The following WRN variants were observed in gnomAD, a reference collection of about 807,000 sequenced individuals.
WRN encodes the protein WRN RecQ like helicase.
WRN carries 149 observed loss-of-function variants against 180.7 expected under a neutral mutation model. The ratio of observed to expected loss-of-function variants is 0.82; its 90% CI spans 0.72 to 0.94. WRN has a LOEUF of 0.94. Ranked by LOEUF, WRN falls within the 40% of genes least tolerant of loss-of-function variation. WRN has a pLI of 0.00. For missense variants in WRN, 1,661 were observed against 1,700.1 expected, an observed-to-expected ratio of 0.98 and a Z score of 0.40; for synonymous variants, 548 against 568.9, an observed-to-expected ratio of 0.96 and a Z score of 0.52.
rs890378000 is a variant in WRN, at chr8:31,124,674, T to C, written c.2732+51T>C. ...TAGTATGGATTTATGGATGATGCTC[T>C]TTTAAGACAACAATTTGGCTAAATA... On this transcript the variant is annotated intron_variant, in intron 22 of 34. Transcript: ENST00000298139. 8.0e-6 allele frequency: 12 copies of C among 1,496,272 alleles called. 1 individual carries two copies. Among genetic ancestry groups the C allele is most frequent in the African/African-American group, 2.8e-5 (2 of 72,420 alleles). 92.7% of individuals were successfully genotyped at this position (1,496,272 alleles called of 1,614,324 possible).
chr8:31,085,544 A>G (rs1471235394), intron 11 of WRN, among the ~76,000 whole-genome samples: 1 of 150,956 alleles, frequency 6.6e-6, no homozygotes, highest in Non-Finnish European at 1.5e-5. Context: ...ATCTTGGCTC[A>G]CTGCAACCTT....
intron 1 of WRN, among the ~76,000 whole-genome samples, chr8:31,047,770 G>A (rs1811926403): frequency 2.6e-5 from 4 of 152,068 alleles, no homozygotes; most frequent in African/African-American, 9.7e-5. Flanking sequence ...GCAATTTCCC[G>A]GTTTATAATG....
intron 34 of WRN, among the ~76,000 whole-genome samples, chr8:31,169,635 C>G (rs768796728): frequency 7.9e-5 from 12 of 152,178 alleles, no homozygotes; most frequent in Non-Finnish European, 1.5e-4. Context: ...CCTGTACTTT[C>G]AAAAGAAGGC....
chr8:31,080,815 TTGTAGTTAA>T (rs1275153810), intron 8 of WRN, 43 bp from the exon 9 acceptor site: 18 of 1,438,352 alleles, frequency 1.3e-5, no homozygotes, highest in Non-Finnish European at 1.7e-5. Context: ...CAGTTTGTCC[TTGTAGTTAA>T]TGCAATTGAA....
intron 17 of WRN, among the ~76,000 whole-genome samples, chr8:31,099,463 A>G (rs1814126631): frequency 6.6e-6 from 1 of 152,010 alleles, no homozygotes; most frequent in African/African-American, 2.4e-5. Flanking sequence ...CAAAACAGTG[A>G]TAATATTGAA....
Position 31,156,017 on chromosome 8 carries a change from C to A in WRN, c.3819+1262C>A, listed in dbSNP as rs11574381. Among the ~76,000 whole-genome samples the A allele has an allele frequency of 1.8e-3, 273 of 152,214 alleles. 7 individuals are homozygous for A. The highest frequency in any genetic ancestry group is 0.017 in the Admixed American group (260 of 15,294). On this transcript the variant is annotated intron_variant, in intron 32 of 34. Coordinates refer to ENST00000298139, the MANE Select transcript of WRN (RefSeq NM_000553.6). The stretch of plus-strand genomic sequence containing the variant: ...CCATTGCCCAAGAAACCAAATAATT[C>A]CATTATACTATTTTTGAAATAGAAC...
At chr8:31,162,602 A>G (rs570454706) in intron 33 of WRN, among the ~76,000 whole-genome samples, 44 of 152,354 alleles carry the variant, frequency 2.9e-4, no homozygotes, top group African/African-American at 9.4e-4. Context: ...ACTGTACATA[A>G]TTGTACATGC....
chr8:31,167,838 T>C (rs574566341), intron 34 of WRN, among the ~76,000 whole-genome samples: 2 of 152,280 alleles, frequency 1.3e-5, no homozygotes, highest in East Asian at 3.9e-4. Context: ...TTTAATAATA[T>C]GACTCTATTA....
intron 16 of WRN, among the ~76,000 whole-genome samples, chr8:31,095,548 T>C (rs1813929324): frequency 6.6e-6 from 1 of 152,262 alleles, no homozygotes; most frequent in Admixed American, 6.5e-5. Context: ...AGATTTACGA[T>C]TCATTTTTAG....
chr8:31,059,117 A>G, intron 2 of WRN, 36 bp from the exon 3 acceptor site: 1 of 1,455,768 alleles, frequency 6.9e-7, no homozygotes, highest in Non-Finnish European at 9.7e-7. Flanking sequence ...ATTTGATGTG[A>G]ACTTTGTGCC....
intron 28 of WRN, among the ~76,000 whole-genome samples, chr8:31,145,062 A>G (rs558358980): frequency 6.6e-6 from 1 of 152,386 alleles, no homozygotes; most frequent in African/African-American, 2.4e-5. Context: ...AGCCATCTCC[A>G]TAACATAAAA....
chr8:31,107,359 A>G (rs1298576654), intron 18 of WRN, among the ~76,000 whole-genome samples: 1 of 152,198 alleles, frequency 6.6e-6, no homozygotes, highest in African/African-American at 2.4e-5. Flanking sequence ...AAGGAGTTTT[A>G]AATATTTTAT....
intron 33 of WRN, among the ~76,000 whole-genome samples, chr8:31,159,599 C>T (rs1041017231): frequency 6.6e-6 from 1 of 151,700 alleles, no homozygotes; most frequent in Non-Finnish European, 1.5e-5. Flanking sequence ...ACCAAAGCCA[C>T]CCATAAGCAC....
chr8:31,135,743 C>CA (rs1351564197), intron 24 of WRN, among the ~76,000 whole-genome samples: 1 of 152,098 alleles, frequency 6.6e-6, no homozygotes, highest in African/African-American at 2.4e-5. Context: ...ATTCACAGTA[C>CA]AAAAAGCAAC....
intron 1 of WRN, among the ~76,000 whole-genome samples, chr8:31,035,138 C>T (rs1431767076): frequency 1.3e-5 from 2 of 152,016 alleles, no homozygotes; most frequent in South Asian, 4.1e-4. Context: ...ACTAGAGATA[C>T]CAACAATGAA....
intron 34 of WRN, among the ~76,000 whole-genome samples, chr8:31,172,693 C>CA (rs1804148181): frequency 6.6e-6 from 1 of 152,182 alleles, no homozygotes; most frequent in Non-Finnish European, 1.5e-5. Flanking sequence ...AAAGCAAGTA[C>CA]ACCATGGGAC....
chr8:31,110,556 A>T (rs1801272956), intron 18 of WRN, among the ~76,000 whole-genome samples: 1 of 152,162 alleles, frequency 6.6e-6, no homozygotes, highest in Admixed American at 6.5e-5. Context: ...AATTTTTAAT[A>T]AATTGATCTT....
intron 10 of WRN, among the ~76,000 whole-genome samples, chr8:31,084,084 C>T (rs372549235): frequency 1.3e-5 from 2 of 152,268 alleles, no homozygotes; most frequent in South Asian, 2.1e-4. Context: ...CTGCAACCTT[C>T]ACCTCCTGGG....
chr8:31,048,716 G>A (rs1266317395), intron 1 of WRN, among the ~76,000 whole-genome samples: 1 of 152,144 alleles, frequency 6.6e-6, no homozygotes, highest in Admixed American at 6.5e-5. Flanking sequence ...CTGCTTCTCA[G>A]TAAAAATAAC....
Sources: gnomAD v4.1 joint callset for allele counts (sites outside exome capture counted in the v4.1 genomes callset) on GRCh38, gnomAD v4.1.1 for gene constraint, MANE v1.5 for transcripts, NCBI Gene and HGNC (gene_info 2026-07-23, HGNC 2026-07-21) for gene names.